Variants in PLG observed in about 807,000 individuals in gnomAD.
PLG encodes the protein plasmin.
A neutral mutation model predicts 104.4 loss-of-function variants in PLG; 41 were observed. That is an observed-to-expected ratio of 0.39 (90% CI 0.31 to 0.51). PLG has a LOEUF of 0.51. PLG is among the 20% of genes least tolerant of loss of function. The probability of loss-of-function intolerance (pLI) is 0.76; values close to 1 mark genes in which losing one functional copy is unlikely to be tolerated. For synonymous variants in PLG, 337 were observed against 357.1 expected (o/e 0.94, Z 0.63); for missense variants, 891 against 1,003.6 (o/e 0.89, Z 1.52).
intron 5 of PLG, among the ~76,000 whole-genome samples, chr6:160,714,253 AG>A (rs1777694101): frequency 6.6e-6 from 1 of 152,260 alleles, no homozygotes; most frequent in Non-Finnish European, 1.5e-5. Context: ...ACATAAAAAG[AG>A]AAGCGCTGTC....
Position 160,740,296 on chromosome 6 carries a change from C to T in PLG, c.2019-1015C>T, listed in dbSNP as rs1778168289. ...AGTAGCTGATCTCCCTCCTGCTCCC[C>T]AGTGTCCTCCCCGCCATCCCAGCAA... On this transcript the variant is annotated intron_variant, in intron 16 of 18. Transcript: ENST00000308192. The surrounding 1 kb of genome is among the most constrained non-coding windows in gnomAD (Gnocchi z 5.2). Among the ~76,000 whole-genome samples, 1 of 152,226 alleles carries T rather than the reference C, an allele frequency of 6.6e-6. No individual in the cohort carries two copies. The highest frequency in any genetic ancestry group is 1.5e-5 in the Non-Finnish European group (1 of 68,034).
rs1321921055 is a variant in PLG at position 160,723,610 on chromosome 6, C to T, written c.1256+1043C>T. Among the ~76,000 whole-genome samples the T allele has an allele frequency of 6.6e-6, 1 of 152,112 alleles. No individual in the cohort carries two copies. The highest frequency in any genetic ancestry group is 2.4e-5 in the African/African-American group (1 of 41,418). On this transcript the variant is annotated intron_variant, in intron 10 of 18. Coordinates refer to ENST00000308192, the MANE Select transcript of PLG (RefSeq NM_000301.5). This position sits in a 1 kb window ranked among gnomAD's most constrained non-coding sequence, Gnocchi z 4.7. ...GGCTAGGTAATAACATGAAAGGAAACATTGTGGAGGAAAGCAGCTCCAGGA... is the reference window on the plus strand; with the variant it reads ...GGCTAGGTAATAACATGAAAGGAAATATTGTGGAGGAAAGCAGCTCCAGGA...
chr6:160,751,977 G>A (rs1156398009), intron 17 of PLG, 138 bp from the exon 18 acceptor site: 9 of 750,384 alleles, frequency 1.2e-5, no homozygotes, highest in Non-Finnish European at 2.4e-6. Flanking sequence ...CAGGGTCAGA[G>A]ACTCCAGCGG....
At position 160,707,711 on chromosome 6, in the gene PLG, A is replaced by G. The variant is rs1358874591; in HGVS notation, c.197A>G (p.Tyr66Cys). Residue 66 changes from tyrosine to cysteine, a missense_variant, in exon 3 of 19, where the codon TAT becomes TGT. This residue lies in a region of PLG where 854 missense variants were observed against 932.1 expected (regional missense o/e 0.92). Transcript: ENST00000308192. ...GCTTCGTTCTGCAGGGCATTCCAAT[A>G]TCACAGTAAAGAGCAACAATGTGTG... ...DEEFTCRAFQ[Y>C]HSKEQQCVIM... 1.2e-6 allele frequency: 2 copies of G among 1,610,616 alleles called. No homozygotes were observed. Among genetic ancestry groups the G allele is most frequent in the Admixed American group, 1.7e-5 (1 of 60,026 alleles).
upstream of PLG, chr6:160,702,228 A>G (rs570081943): frequency 2.9e-5 from 44 of 1,541,488 alleles, no homozygotes; most frequent in East Asian, 1.8e-4. Flanking sequence ...TGGTTTGTGG[A>G]TGCGTTTACT....
At chr6:160,728,959 C>T (rs559698198) in intron 10 of PLG, among the ~76,000 whole-genome samples, 1 of 152,162 alleles carries the variant, frequency 6.6e-6, no homozygotes, top group South Asian at 2.1e-4. Context: ...GTTAAGAAAT[C>T]AGTAGGTAAG....
intron 17 of PLG, among the ~76,000 whole-genome samples, chr6:160,749,334 C>T (rs1778355632): frequency 6.6e-6 from 1 of 151,624 alleles, no homozygotes; most frequent in African/African-American, 2.4e-5. Flanking sequence ...CCACCACCAC[C>T]ATCACAATTA....
At chr6:160,715,166 A>G (rs930714777) in intron 6 of PLG, among the ~76,000 whole-genome samples, 2 of 152,216 alleles carry the variant, frequency 1.3e-5, no homozygotes, top group African/African-American at 2.4e-5. Flanking sequence ...CACCCTCTGA[A>G]TCTGATTTGA....
intron 10 of PLG, among the ~76,000 whole-genome samples, chr6:160,727,003 T>C (rs1421531666): frequency 6.6e-6 from 1 of 151,962 alleles, no homozygotes; most frequent in Admixed American, 6.6e-5. Context: ...TTGGTTCTTT[T>C]GAAAGATTCA....
chr6:160,743,952 G>A (rs954029969), intron 17 of PLG, among the ~76,000 whole-genome samples: 10 of 152,138 alleles, frequency 6.6e-5, no homozygotes, highest in African/African-American at 2.4e-4. Context: ...TTTATGTGAT[G>A]AATCACATTT....
intron 17 of PLG, among the ~76,000 whole-genome samples, chr6:160,749,854 T>A (rs1260884916): frequency 6.8e-6 from 1 of 146,150 alleles, no homozygotes; most frequent in East Asian, 2.1e-4. Context: ...ACCACCACCA[T>A]CACTACCACC....
intron 3 of PLG, 98 bp from the exon 4 acceptor site, chr6:160,710,979 C>A (rs1292813613): frequency 7.6e-6 from 8 of 1,054,262 alleles, no homozygotes; most frequent in African/African-American, 6.3e-5. Flanking sequence ...AACAGGGGGT[C>A]TGGTGCATGA....
chr6:160,735,356 C>A lies in PLG; in HGVS notation c.1681+1268C>A, dbSNP rs1379571865. ...ACTACCGTGCCTGGGACTCATGCAC[C>A]TTTGACTCCCATGGAAGGGAAGTGC... is the stretch of plus-strand genomic sequence containing the variant. On this transcript the variant is annotated intron_variant, in intron 13 of 18. Coordinates refer to ENST00000308192, the MANE Select transcript of PLG (RefSeq NM_000301.5). The surrounding 1 kb of genome is among the most constrained non-coding windows in gnomAD (Gnocchi z 5.4). Among the ~76,000 whole-genome samples the A allele has an allele frequency of 6.6e-6, 1 of 152,174 alleles. No individual in the cohort carries two copies. The highest frequency in any genetic ancestry group is 1.5e-5 in the Non-Finnish European group (1 of 68,024).
At chr6:160,733,812 C>G (rs959220979) in intron 12 of PLG, among the ~76,000 whole-genome samples, 183 bp from the exon 13 acceptor site, 18 of 141,640 alleles carry the variant, frequency 1.3e-4, no homozygotes, top group African/African-American at 4.7e-4. Flanking sequence ...CCACTGCACT[C>G]CAGCCTGGGC....
chr6:160,751,277 A>G (rs1176800143), intron 17 of PLG, among the ~76,000 whole-genome samples: 2 of 152,206 alleles, frequency 1.3e-5, no homozygotes, highest in East Asian at 3.9e-4. Context: ...TGGGGCCAAC[A>G]CGCATGGGGA....
chr6:160,749,639 C>T (rs1435108849), intron 17 of PLG, among the ~76,000 whole-genome samples: 1 of 150,700 alleles, frequency 6.6e-6, no homozygotes, highest in Non-Finnish European at 1.5e-5. Flanking sequence ...TCATCACCAC[C>T]ACCACTACCA....
chr6:160,746,495 CTT>C (rs1365055159), intron 17 of PLG, among the ~76,000 whole-genome samples: 2 of 152,108 alleles, frequency 1.3e-5, no homozygotes, highest in Non-Finnish European at 2.9e-5. Context: ...CCATTAGGTT[CTT>C]TTTTAAACCA....
chr6:160,706,492 T>G lies in PLG; in HGVS notation c.135T>G (p.Ser45Arg). The G allele has an allele frequency of 6.2e-7, 1 of 1,613,838 alleles. No homozygotes were observed. Among genetic ancestry groups the G allele is most frequent in the Non-Finnish European group, 8.5e-7 (1 of 1,179,790 alleles). ...SVTKKQLGAGSIEECAAKCEE... is the reference protein window; with the variant it reads ...SVTKKQLGAGRIEECAAKCEE... ...CTAAGAAGCAGCTGGGAGCAGGAAG[T>G]ATAGAAGAATGTGCAGCAAAATGTG... The change falls in exon 2 of 19, where the codon AGT becomes AGG. Residue 45 changes from serine (S) to arginine (R), a missense_variant. Physicochemically the swap from Ser to Arg is moderately radical, Grantham distance 110 (BLOSUM62 -1). Coordinates refer to ENST00000308192, the MANE Select transcript of PLG (RefSeq NM_000301.5).
intron 1 of PLG, among the ~76,000 whole-genome samples, chr6:160,702,739 T>C (rs4252065): frequency 0.51 from 77,275 of 152,040 alleles, 20,324 homozygotes; most frequent in Non-Finnish European, 0.58. Flanking sequence ...ACTTGCAAGT[T>C]AAAACAGTGA....
Sources: gnomAD v4.1 joint callset for allele counts (sites outside exome capture counted in the v4.1 genomes callset) on GRCh38, gnomAD v4.1.1 for gene constraint, gnomAD v4.1.1 regional missense constraint, Gnocchi (gnomAD v3.1) non-coding constraint, MANE v1.5 for transcripts, NCBI Gene and HGNC (gene_info 2026-07-23, HGNC 2026-07-21) for gene names.